The following KCNQ1 variants were observed in gnomAD, a reference collection of about 807,000 sequenced individuals.
KCNQ1 encodes the protein potassium voltage-gated channel subfamily Q member 1.
Under a neutral mutation model 72.4 loss-of-function variants are expected in KCNQ1, and 49 were observed. The ratio of observed to expected loss-of-function variants is 0.68; its 90% CI spans 0.54 to 0.86. The LOEUF is 0.86. Ranked by LOEUF, KCNQ1 falls within the 40% of genes least tolerant of loss-of-function variation. KCNQ1 has a pLI of 0.00. For synonymous variants in KCNQ1, 450 were observed against 412.6 expected, an observed-to-expected ratio of 1.09 and a Z score of -1.10; for missense variants, 790 against 945.1, an observed-to-expected ratio of 0.84 and a Z score of 2.15.
chr11:2,472,305 TG>T (rs1846495296), intron 1 of KCNQ1, among the ~76,000 whole-genome samples: 1 of 151,834 alleles, frequency 6.6e-6, no homozygotes, highest in African/African-American at 2.4e-5. Flanking sequence ...TATGTGTGGG[TG>T]TGTGTGCACC....
At chr11:2,631,126 A>G in intron 10 of KCNQ1, 1 of 398,568 alleles carries the variant, frequency 2.5e-6, no homozygotes, top group Non-Finnish European at 4.4e-6. Flanking sequence ...CAATCTGGGA[A>G]GAGCCCCAGA....
rs1373823143 is a variant in KCNQ1, at chr11:2,492,688, T to C, written c.387-35240T>C. On this transcript the variant is annotated intron_variant, in intron 1 of 15. Transcript: ENST00000155840. This position sits in a 1 kb window ranked among gnomAD's most constrained non-coding sequence, Gnocchi z 4.1. ...CCCCACAAAAGACATGAACTCATTC[T>C]TTTTTTATGGCTGCATATTATTCCA... 2.0e-5 allele frequency among the ~76,000 whole-genome samples: 3 copies of C among 152,302 alleles called. No individual in the cohort carries two copies. Among genetic ancestry groups the C allele is most frequent in the Admixed American group, 1.3e-4 (2 of 15,290 alleles).
At chr11:2,625,601 G>A (rs1216991835) in intron 10 of KCNQ1, 14 of 388,978 alleles carry the variant, frequency 3.6e-5, no homozygotes, top group Non-Finnish European at 4.9e-5. Context: ...TTTTGAGATG[G>A]AGTCTCACTC....
chr11:2,699,309 C>T (rs1325943187), intron 11 of KCNQ1: 3 of 399,048 alleles, frequency 7.5e-6, no homozygotes, highest in Admixed American at 4.4e-5. Context: ...CTGGGACGGC[C>T]GCGGGGCACA....
At chr11:2,558,146 G>C (rs749984437) in intron 2 of KCNQ1, among the ~76,000 whole-genome samples, 1 of 152,208 alleles carries the variant, frequency 6.6e-6, no homozygotes, top group African/African-American at 2.4e-5. Flanking sequence ...CGTAGGCCCC[G>C]CTGCCTGCCC....
At position 2,828,267 on chromosome 11, in the gene KCNQ1, G is replaced by C. The variant is rs1250645869; in HGVS notation, c.1795-19500G>C. 6.6e-6 allele frequency among the ~76,000 whole-genome samples: 1 copy of C among 152,230 alleles called. No individual in the cohort carries two copies. Among genetic ancestry groups the C allele is most frequent in the Non-Finnish European group, 1.5e-5 (1 of 68,044 alleles). On this transcript the variant is annotated intron_variant, in intron 15 of 15. Coordinates refer to ENST00000155840, the MANE Select transcript of KCNQ1 (RefSeq NM_000218.3). This position sits in a 1 kb window ranked among gnomAD's most constrained non-coding sequence, Gnocchi z 5.3. ...CGTCAGGGGGCTGCTGGAAGGTTTG[G>C]TGACCGGAGCAGCAGGTGCCAGAGC... is the stretch of plus-strand genomic sequence containing the variant.
rs1279411237 is a variant in KCNQ1, at chr11:2,451,230, G to C, written c.386+5746G>C. Among the ~76,000 whole-genome samples the C allele has an allele frequency of 2.0e-5, 3 of 152,194 alleles. No individual in the cohort carries two copies. In the East Asian group the frequency reaches 5.8e-4, roughly 29 times the overall value. ...GCAGTGGTGATCTTGGGATGAAACT[G>C]TTCCATCTCAGATCATCAGGTATTA... is the stretch of plus-strand genomic sequence containing the variant. On this transcript the variant is annotated intron_variant, in intron 1 of 15. Coordinates refer to ENST00000155840, the MANE Select transcript of KCNQ1 (RefSeq NM_000218.3). The surrounding 1 kb of genome is among the most constrained non-coding windows in gnomAD (Gnocchi z 6.4).
chr11:2,507,684 T>C lies in KCNQ1; in HGVS notation c.387-20244T>C. 6.6e-6 allele frequency among the ~76,000 whole-genome samples: 1 copy of C among 151,968 alleles called. No homozygotes were observed. The highest frequency in any genetic ancestry group is 1.9e-4 in the East Asian group (1 of 5,174). On this transcript the variant is annotated intron_variant, in intron 1 of 15. Transcript: ENST00000155840. The surrounding 1 kb of genome is among the most constrained non-coding windows in gnomAD (Gnocchi z 5.4). ...CAGTAAGACCTGCAGGTGGGAGCTC[T>C]GGGGAGAGAGTGCGGGCTGGGCTCA...
chr11:2,525,719 A>G (rs1041520519), intron 1 of KCNQ1, among the ~76,000 whole-genome samples: 1 of 152,188 alleles, frequency 6.6e-6, no homozygotes, highest in Non-Finnish European at 1.5e-5. Context: ...GGCTGATCAG[A>G]CTTGTGCTTT....
intron 1 of KCNQ1, among the ~76,000 whole-genome samples, chr11:2,501,718 CAAAAAAAAAAAAAAAAAAAA>C (rs55865890): frequency 1.5e-5 from 1 of 68,888 alleles, no homozygotes; most frequent in Non-Finnish European, 2.9e-5. Flanking sequence ...AAAGATACAT[CAAAAAAAAAAAAAAAAAAAA>C]AAAAAAAAAG....
intron 11 of KCNQ1, chr11:2,665,840 G>C (rs546841805): frequency 2.5e-6 from 1 of 398,768 alleles, no homozygotes; most frequent in South Asian, 1.3e-4. Flanking sequence ...GAGGCACAGG[G>C]CTAGGGGCCT....
rs141167025 is a variant in KCNQ1, at chr11:2,603,376, C to T, written c.1393+14522C>T. Among the ~76,000 whole-genome samples, 3 of 152,292 alleles carry T rather than the reference C, an allele frequency of 2.0e-5. No homozygotes were observed. The highest frequency in any genetic ancestry group is 7.2e-5 in the African/African-American group (3 of 41,564). ...AGACTTGCTCAGTGCAGGCTTACCA[C>T]ACACATTTAATTTTTTAAAAACACA... On this transcript the variant is annotated intron_variant, in intron 10 of 15. Coordinates refer to ENST00000155840, the MANE Select transcript of KCNQ1 (RefSeq NM_000218.3). This position sits in a 1 kb window ranked among gnomAD's most constrained non-coding sequence, Gnocchi z 4.1.
At chr11:2,684,056 T>A (rs1290688452) in intron 11 of KCNQ1, 3 of 398,568 alleles carry the variant, frequency 7.5e-6, no homozygotes, top group Non-Finnish European at 1.3e-5. Context: ...ATCAAGACAT[T>A]GTTTAGAGTA....
intron 10 of KCNQ1, chr11:2,655,844 C>A: frequency 5.0e-6 from 2 of 398,676 alleles, no homozygotes; most frequent in Non-Finnish European, 8.8e-6. Flanking sequence ...AACCTCTCCT[C>A]TTGAATTGGA....
In KCNQ1 at chr11:2,481,865, T is replaced by G. The variant is rs952311081; in HGVS notation, c.386+36381T>G. Reference sequence around the variant, plus strand: ...CATTATGGTGAGTTGTATAATTATTTAATTCTATATTACAATGTAATAATA... The same window carrying G: ...CATTATGGTGAGTTGTATAATTATTGAATTCTATATTACAATGTAATAATA... On this transcript the variant is annotated intron_variant, in intron 1 of 15. Transcript: ENST00000155840. This position sits in a 1 kb window ranked among gnomAD's most constrained non-coding sequence, Gnocchi z 4.6. Among the ~76,000 whole-genome samples, 3 of 152,222 alleles carry G rather than the reference T, an allele frequency of 2.0e-5. No individual in the cohort carries two copies. The highest frequency in any genetic ancestry group is 2.0e-4 in the Admixed American group (3 of 15,278).
chr11:2,605,555 T>C (rs191929633), intron 10 of KCNQ1, among the ~76,000 whole-genome samples: 15 of 152,344 alleles, frequency 9.8e-5, no homozygotes, highest in Admixed American at 9.1e-4. Flanking sequence ...TCTTTCCGCA[T>C]TGAACATTCT....
chr11:2,468,802 ATG>A lies in KCNQ1; in HGVS notation c.386+23321_386+23322del. On this transcript the variant is annotated intron_variant, in intron 1 of 15. Coordinates refer to ENST00000155840, the MANE Select transcript of KCNQ1 (RefSeq NM_000218.3). The surrounding 1 kb of genome is among the most constrained non-coding windows in gnomAD (Gnocchi z 5.7). ...CCGATCCATGCACCTGTTGATGGAC[ATG>A]TGGGCGGCTGTATCCCATTTGGGCT... Among the ~76,000 whole-genome samples the A allele has an allele frequency of 6.6e-6, 1 of 152,198 alleles. No individual in the cohort carries two copies. Among genetic ancestry groups the A allele is most frequent in the Non-Finnish European group, 1.5e-5 (1 of 68,032 alleles).
In KCNQ1 at chr11:2,767,716, A is replaced by G. The variant is rs531487987; in HGVS notation, c.1515-1128A>G. On this transcript the variant is annotated intron_variant, in intron 11 of 15. Transcript: ENST00000155840. This position sits in a 1 kb window ranked among gnomAD's most constrained non-coding sequence, Gnocchi z 4.6. The stretch of plus-strand genomic sequence containing the variant: ...TCTAAACCCCAAAGCTTCTCTCCAC[A>G]GTGCCATGCGTCTACTGAGTACTCT... Among the ~76,000 whole-genome samples, 5 of 152,300 alleles carry G rather than the reference A, an allele frequency of 3.3e-5. No individual in the cohort carries two copies. The highest frequency in any genetic ancestry group is 1.2e-4 in the African/African-American group (5 of 41,588).
intron 6 of KCNQ1, among the ~76,000 whole-genome samples, chr11:2,578,770 C>T (rs868491740): frequency 2.0e-5 from 3 of 152,244 alleles, no homozygotes; most frequent in African/African-American, 7.2e-5. Context: ...GCTGGGCTCT[C>T]GAGGCTGGGC....
Sources: gnomAD v4.1 joint callset for allele counts (sites outside exome capture counted in the v4.1 genomes callset) on GRCh38, gnomAD v4.1.1 for gene constraint, Gnocchi (gnomAD v3.1) non-coding constraint, MANE v1.5 for transcripts, NCBI Gene and HGNC (gene_info 2026-07-23, HGNC 2026-07-21) for gene names.